Variants in EIF4G1 observed in about 807,000 individuals in gnomAD.
The protein encoded by EIF4G1 is EIF4-gamma.
Under a neutral mutation model 187.8 loss-of-function variants are expected in EIF4G1, and 4 were observed. The ratio of observed to expected loss-of-function variants is 0.02; its 90% CI spans 0.01 to 0.05. The LOEUF is 0.05. Ranked by LOEUF, EIF4G1 falls within the 10% of genes least tolerant of loss-of-function variation. The pLI is 1.00. For synonymous variants in EIF4G1, 844 were observed against 781.4 expected (o/e 1.08, Z -1.34); for missense variants, 1,647 against 2,081.1 (o/e 0.79, Z 4.06).
rs1881975 is a variant in EIF4G1 at position 184,328,254 on chromosome 3, A to G, written c.3953+252A>G. ...TCTACTAATAATACAAAAATTAGCC[A>G]GGCGTGGTGGCACAGTAATCCCAGC... On this transcript the variant is annotated intron_variant, in intron 26 of 32. Coordinates refer to ENST00000346169, the MANE Select transcript of EIF4G1 (RefSeq NM_198241.3). The G allele has an allele frequency of 0.21, 108,871 of 508,570 alleles. 12,284 individuals carry two copies. The highest frequency in any genetic ancestry group is 0.25 in the East Asian group (6,469 of 25,960). 31.5% of individuals were successfully genotyped at this position (508,570 alleles called of 1,614,324 possible).
In EIF4G1 at chr3:184,332,040, G is replaced by A. The variant is rs751022680; in HGVS notation, c.4572G>A (p.Ala1524=). ...YLCDEQKELQ[A]LYALQALVVT... ...GTGACGAGCAGAAGGAGCTACAGGC[G>A]CTCTACGCCCTCCAGGCCCTTGTAG... is the stretch of plus-strand genomic sequence containing the variant. Residue 1524 remains alanine, a synonymous_variant, in exon 32 of 33, where the codon GCG becomes GCA. Coordinates refer to ENST00000346169, the MANE Select transcript of EIF4G1 (RefSeq NM_198241.3). 9.9e-6 allele frequency: 16 copies of A among 1,614,098 alleles called. No individual in the cohort carries two copies. The highest frequency in any genetic ancestry group is 1.7e-5 in the Admixed American group (1 of 60,014).
Position 184,326,892 on chromosome 3 carries a change from G to C in EIF4G1, c.3337G>C (p.Ala1113Pro), listed in dbSNP as rs772663180. The C allele has an allele frequency of 1.2e-6, 2 of 1,614,216 alleles. No individual in the cohort carries two copies. Among genetic ancestry groups the C allele is most frequent in the Non-Finnish European group, 1.7e-6 (2 of 1,180,040 alleles). ...AKPSDAASEA[A>P]RPATSTLNRF... ...TTCTGCATCCCCAGCATCAGAAGCT[G>C]CTCGCCCAGCTACTAGTACTTTGAA... The change falls in exon 23 of 33, where the codon GCT becomes CCT. Residue 1113 changes from alanine (A) to proline (P), a missense_variant. Transcript: ENST00000346169.
At chr3:184,326,766 A>G (rs1021469980) in intron 22 of EIF4G1, 115 bp from the exon 23 acceptor site, 5 of 1,503,082 alleles carry the variant, frequency 3.3e-6, no homozygotes, top group Non-Finnish European at 4.6e-6. Flanking sequence ...TTGTGGTTCC[A>G]GGGATTGAAC....
intron 10 of EIF4G1, 21 bp downstream of exon 10, chr3:184,322,124 A>G: frequency 6.2e-7 from 1 of 1,614,052 alleles, no homozygotes; most frequent in Non-Finnish European, 8.5e-7. Context: ...GTTGGACGGT[A>G]GAGGTAGGGC....
At chr3:184,320,453 G>C (rs1309410350) in intron 7 of EIF4G1, 177 bp from the exon 8 acceptor site, 8 of 1,510,506 alleles carry the variant, frequency 5.3e-6, no homozygotes, top group Non-Finnish European at 7.1e-6. Flanking sequence ...TGGGAGCTGG[G>C]GCAGGGACTA....
intron 17 of EIF4G1, 55 bp downstream of exon 17, chr3:184,324,402 A>C: frequency 6.2e-7 from 1 of 1,612,348 alleles, no homozygotes; most frequent in Non-Finnish European, 8.5e-7. Flanking sequence ...TCCCTTACCC[A>C]GATGCTACTC....
chr3:184,314,861 G>A (rs1457076194), intron 1 of EIF4G1, among the ~76,000 whole-genome samples, 187 bp downstream of exon 1: 1 of 150,404 alleles, frequency 6.6e-6, no homozygotes, highest in African/African-American at 2.4e-5. Context: ...GGCCGGGCCT[G>A]GCTGCTGGGT....
At chr3:184,329,240 C>T (rs1725554809) in intron 28 of EIF4G1, 3 of 533,710 alleles carry the variant, frequency 5.6e-6, no homozygotes, top group Non-Finnish European at 1.0e-5. Flanking sequence ...TTTATTTATT[C>T]ATTCATTGAA....
In EIF4G1 at chr3:184,331,595, G is replaced by A. The variant is rs1560231808; in HGVS notation, c.4384G>A (p.Asp1462Asn). The A allele has an allele frequency of 3.1e-6, 5 of 1,592,524 alleles. No homozygotes were observed. Among genetic ancestry groups the A allele is most frequent in the Non-Finnish European group, 4.3e-6 (5 of 1,168,042 alleles). The change falls in exon 30 of 33, where the codon GAC (aspartate) becomes AAC (asparagine). Residue 1462 changes from aspartate to asparagine, a missense_variant. Asp to Asn is a conservative substitution (Grantham distance 23). Transcript: ENST00000346169. ...KEGSSNQRVF[D>N]WIEANLSEQQ... ...GGGCAGCAGTAACCAGCGGGTGTTC[G>A]ACTGGATAGAGGTAGGTTTCTCCTG...
rs145247318 is a variant in EIF4G1 at position 184,322,826 on chromosome 3, T to C, written c.1801T>C (p.Trp601Arg). 1 of 1,614,234 alleles carries C rather than the reference T, an allele frequency of 6.2e-7. No homozygotes were observed. The highest frequency in any genetic ancestry group is 1.1e-5 in the South Asian group (1 of 91,086). The part of the protein sequence containing the change: ...EQKYEYKSDQ[W>R]KPLNLEEKKR... ...TCATTCTGTTTTCCTTGCAGATCAG[T>C]GGAAGCCTCTAAACCTAGAGGAGAA... is the stretch of plus-strand genomic sequence containing the variant. Residue 601 changes from tryptophan to arginine, a missense_variant, in exon 13 of 33, where the codon TGG becomes CGG. Coordinates refer to ENST00000346169, the MANE Select transcript of EIF4G1 (RefSeq NM_198241.3).
Position 184,317,432 on chromosome 3 carries a change from G to A in EIF4G1, c.259G>A (p.Val87Ile). ...CCATGTCTACCCTGCTGGATCCCAAGTAATGATGATCCCTTCCCAGATCTC... is the reference window on the plus strand; with the variant it reads ...CCATGTCTACCCTGCTGGATCCCAAATAATGATGATCCCTTCCCAGATCTC... Reference protein sequence around the residue: ...AAHVYPAGSQVMMIPSQISYP... With the variant: ...AAHVYPAGSQIMMIPSQISYP... Residue 87 changes from valine to isoleucine, a missense_variant, in exon 5 of 33, where the codon GTA (valine) becomes ATA (isoleucine). Transcript: ENST00000346169. The A allele has an allele frequency of 6.2e-7, 1 of 1,614,078 alleles. No individual in the cohort carries two copies. Among genetic ancestry groups the A allele is most frequent in the South Asian group, 1.1e-5 (1 of 91,080 alleles).
At chr3:184,317,097 A>T in intron 4 of EIF4G1, among the ~76,000 whole-genome samples, 1 of 151,994 alleles carries the variant, frequency 6.6e-6, no homozygotes, top group East Asian at 1.9e-4. Context: ...GAGAGAGTAA[A>T]TCTCTGCAGG....
rs1402504617 is a variant in EIF4G1 at position 184,331,569 on chromosome 3, A to C, written c.4358A>C (p.Glu1453Ala). ...LNRQLEKLLK[E>A]GSSNQRVFDW... The stretch of plus-strand genomic sequence containing the variant: ...AGGCAGCTGGAGAAGCTGCTGAAGG[A>C]GGGCAGCAGTAACCAGCGGGTGTTC... Residue 1453 changes from glutamate (E) to alanine (A), a missense_variant, in exon 30 of 33, where the codon GAG becomes GCG. By Grantham distance (107) the Glu-to-Ala change is moderately radical. Coordinates refer to ENST00000346169, the MANE Select transcript of EIF4G1 (RefSeq NM_198241.3). 1 of 1,546,318 alleles carries C rather than the reference A, an allele frequency of 6.5e-7. No homozygotes were observed. The highest frequency in any genetic ancestry group is 8.7e-7 in the Non-Finnish European group (1 of 1,142,922).
rs145521479 is a variant in EIF4G1, at chr3:184,322,631, C to T, written c.1696C>T (p.Arg566Cys). 2,490 of 1,614,182 alleles carry T rather than the reference C, an allele frequency of 1.5e-3. 66 individuals are homozygous for T. In the South Asian group the frequency reaches 0.025, roughly 16 times the overall value. The stretch of plus-strand genomic sequence containing the variant: ...GTCTGAGGGCAGTGGTGTGCCCCCA[C>T]GTCCTGAGGAAGCAGATGAGACCTG... ...PESEGSGVPP[R>C]PEEADETWDS... The change falls in exon 12 of 33, where the codon CGT (arginine) becomes TGT (cysteine). Residue 566 changes from arginine (R) to cysteine (C), a missense_variant. Transcript: ENST00000346169.
In EIF4G1 at chr3:184,321,929, A is replaced by G. The variant is rs1001128405; in HGVS notation, c.1345A>G (p.Thr449Ala). 22 of 1,614,038 alleles carry G rather than the reference A, an allele frequency of 1.4e-5. No homozygotes were observed. Among genetic ancestry groups the G allele is most frequent in the African/African-American group, 4.0e-5 (3 of 74,926 alleles). ...TACTCCAGCTACGGCTCCTTCAGCTACTTCCCCAGCTCAGGAGGAGGAAAT... is the reference window on the plus strand; with the variant it reads ...TACTCCAGCTACGGCTCCTTCAGCTGCTTCCCCAGCTCAGGAGGAGGAAAT... ...SATPATAPSA[T>A]SPAQEEEMEE... The change falls in exon 10 of 33, where the codon ACT (threonine) becomes GCT (alanine). Residue 449 changes from threonine to alanine, a missense_variant. By Grantham distance (58) the Thr-to-Ala change is moderately conservative. Transcript: ENST00000346169.
At chr3:184,316,029 T>C in intron 3 of EIF4G1, 103 bp from the exon 4 acceptor site, 1 of 1,555,836 alleles carries the variant, frequency 6.4e-7, no homozygotes, top group East Asian at 2.4e-5. Flanking sequence ...GTATGTGGAT[T>C]GTTAAGGCTC....
chr3:184,323,022 C>G lies in EIF4G1; in HGVS notation c.1930-61C>G, dbSNP rs1453867197. The stretch of plus-strand genomic sequence containing the variant: ...GATGGATTGGGGAGGAGCCTGAGGT[C>G]CTGAAAGAGTAGTCAACCGCTCTAG... On this transcript the variant is annotated intron_variant, in intron 13 of 32. Coordinates refer to ENST00000346169, the MANE Select transcript of EIF4G1 (RefSeq NM_198241.3). The surrounding 1 kb of genome is among the most constrained non-coding windows in gnomAD (Gnocchi z 6.9). The G allele has an allele frequency of 1.2e-5, 19 of 1,613,988 alleles. No individual in the cohort carries two copies. The highest frequency in any genetic ancestry group is 1.4e-5 in the Non-Finnish European group (17 of 1,180,028).
intron 7 of EIF4G1, chr3:184,320,309 G>C (rs1485581950): frequency 7.8e-7 from 1 of 1,286,512 alleles, no homozygotes; most frequent in Non-Finnish European, 9.9e-7. Context: ...TGAGCCGATT[G>C]GGTTCTAGAT....
At chr3:184,328,805 G>A (rs745880641) in intron 27 of EIF4G1, 49 bp downstream of exon 27, 3 of 1,614,158 alleles carry the variant, frequency 1.9e-6, no homozygotes, top group East Asian at 4.5e-5. Context: ...CAGAGGAAAG[G>A]TGGTAGGGAA....
Sources: gnomAD v4.1 joint callset for allele counts (sites outside exome capture counted in the v4.1 genomes callset) on GRCh38, gnomAD v4.1.1 for gene constraint, Gnocchi (gnomAD v3.1) non-coding constraint, MANE v1.5 for transcripts, NCBI Gene and HGNC (gene_info 2026-07-23, HGNC 2026-07-21) for gene names.